The following WWOX variants were observed in gnomAD, a reference collection of about 807,000 sequenced individuals.
The protein encoded by WWOX is WW domain-containing oxidoreductase.
In WWOX, 69 loss-of-function variants were observed where a neutral mutation model predicts 46.2. The ratio of observed to expected loss-of-function variants is 1.49; its 90% CI spans 1.23 to 1.82. The LOEUF (loss-of-function observed/expected upper bound fraction) is 1.82, where lower values mean the gene tolerates loss of function less well. WWOX is among the 40% of genes most tolerant of loss of function. The pLI, the probability that WWOX is intolerant of heterozygous loss-of-function variation, is 0.00. For missense variants in WWOX, 919 were observed against 542.6 expected (o/e 1.69, Z -6.89); for synonymous variants, 359 against 202.6 (o/e 1.77, Z -6.56).
intron 5 of WWOX, among the ~76,000 whole-genome samples, chr16:78,233,790 G>A (rs2037349059): frequency 6.6e-6 from 1 of 152,134 alleles, no homozygotes. Flanking sequence ...GCCTCCCAAA[G>A]TGCTAGGATT....
At chr16:79,004,791 T>C (rs2047160125) in intron 8 of WWOX, 1 of 152,202 alleles carries the variant, frequency 6.6e-6, no homozygotes, top group African/African-American at 2.4e-5. Flanking sequence ...AGACTCCATA[T>C]ACCTCAAGTA....
chr16:78,327,681 T>G (rs1230724184), intron 5 of WWOX, among the ~76,000 whole-genome samples: 11 of 152,122 alleles, frequency 7.2e-5, no homozygotes, highest in Non-Finnish European at 7.4e-5. Flanking sequence ...TCTTTGGTTT[T>G]CTCAGTAGAT....
At chr16:78,887,466 AAAACACAC>A (rs1443075516) in intron 8 of WWOX, among the ~76,000 whole-genome samples, 1 of 101,072 alleles carries the variant, frequency 9.9e-6, no homozygotes, top group Non-Finnish European at 2.0e-5. Flanking sequence ...CAAAGTATAT[AAAACACAC>A]ACACACACAC....
intron 8 of WWOX, among the ~76,000 whole-genome samples, chr16:78,935,490 C>G (rs1220008121): frequency 6.6e-6 from 1 of 151,532 alleles, no homozygotes; most frequent in East Asian, 1.9e-4. Flanking sequence ...TCATTCTCAG[C>G]AAACTATCAC....
At chr16:79,190,465 C>T (rs1257099116) in intron 8 of WWOX, among the ~76,000 whole-genome samples, 9 of 152,182 alleles carry the variant, frequency 5.9e-5, no homozygotes, top group Admixed American at 1.3e-4. Flanking sequence ...TTCAGACCCA[C>T]AGAGGCCTTA....
At chr16:78,325,426 G>A (rs958406346) in intron 5 of WWOX, among the ~76,000 whole-genome samples, 7 of 152,088 alleles carry the variant, frequency 4.6e-5, no homozygotes, top group Non-Finnish European at 2.9e-5. Flanking sequence ...TGGAAAAATT[G>A]CCTTTTTAAC....
rs78503110 is a variant in WWOX at position 78,887,468 on chromosome 16, AACACACACACACACACACAC to A, written c.1057-324108_1057-324089del. On this transcript the variant is annotated intron_variant, in intron 8 of 8. Coordinates refer to ENST00000566780, the MANE Select transcript of WWOX (RefSeq NM_016373.4). ...GCAATGAAGGCAACAAAGTATATAA[AACACACACACACACACACAC>A]ACACACACACACACACACACACACA... Among the ~76,000 whole-genome samples the A allele has an allele frequency of 1.8e-3, 242 of 136,072 alleles. 1 individual carries two copies. The highest frequency in any genetic ancestry group is 3.7e-3 in the East Asian group (16 of 4,362). The allele number at this position is 136,072 out of a possible 152,430, so 89.3% of individuals were successfully genotyped here.
At chr16:78,573,094 G>C (rs2044759318) in intron 8 of WWOX, among the ~76,000 whole-genome samples, 1 of 152,076 alleles carries the variant, frequency 6.6e-6, no homozygotes, top group Admixed American at 6.6e-5. Flanking sequence ...GACCACCCTG[G>C]CTAACATGAT....
At chr16:78,268,064 C>T (rs1156672964) in intron 5 of WWOX, among the ~76,000 whole-genome samples, 2 of 152,206 alleles carry the variant, frequency 1.3e-5, no homozygotes, top group Non-Finnish European at 2.9e-5. Context: ...AGCGATCTGC[C>T]TGCCTTGTCA....
At chr16:78,933,569 C>T (rs1010666148) in intron 8 of WWOX, among the ~76,000 whole-genome samples, 1 of 152,220 alleles carries the variant, frequency 6.6e-6, no homozygotes, top group African/African-American at 2.4e-5. Flanking sequence ...TGAATTAGCC[C>T]ATTTTCATGC....
At chr16:79,151,636 A>C (rs897869912) in intron 8 of WWOX, among the ~76,000 whole-genome samples, 12 of 152,280 alleles carry the variant, frequency 7.9e-5, no homozygotes, top group African/African-American at 2.9e-4. Context: ...CGCAGAATGC[A>C]GAGGCCATGC....
intron 8 of WWOX, among the ~76,000 whole-genome samples, chr16:78,541,606 G>C (rs1018700329): frequency 6.7e-6 from 1 of 148,718 alleles, no homozygotes; most frequent in African/African-American, 2.5e-5. Context: ...TTATAGTTAA[G>C]TTAATGAACT....
intron 4 of WWOX, among the ~76,000 whole-genome samples, chr16:78,143,940 A>T (rs192947432): frequency 1.3e-5 from 2 of 151,508 alleles, no homozygotes; most frequent in African/African-American, 4.8e-5. Context: ...TTTTCACTTT[A>T]AAAAAAAATC....
intron 8 of WWOX, chr16:78,525,259 C>T (rs183618806): frequency 4.0e-5 from 6 of 149,796 alleles, no homozygotes; most frequent in Admixed American, 1.3e-4. Context: ...GATCTCGGCT[C>T]ACTGCAAGCT....
intron 8 of WWOX, among the ~76,000 whole-genome samples, chr16:78,694,386 A>T (rs1251287178): frequency 6.6e-6 from 1 of 152,202 alleles, no homozygotes; most frequent in Non-Finnish European, 1.5e-5. Context: ...TCTTAGCTGG[A>T]CTTTTCCTCC....
chr16:78,210,604 T>G (rs1003561954), intron 5 of WWOX, among the ~76,000 whole-genome samples: 3 of 152,210 alleles, frequency 2.0e-5, no homozygotes, highest in African/African-American at 7.2e-5. Context: ...GACACACTGC[T>G]TAGTCACCCA....
intron 8 of WWOX, among the ~76,000 whole-genome samples, chr16:78,464,313 GAA>G (rs779068160): frequency 5.9e-4 from 90 of 151,592 alleles, no homozygotes; most frequent in Admixed American, 1.7e-3. Context: ...GGAAAGAGAG[GAA>G]AGAGGGGAAG....
intron 8 of WWOX, among the ~76,000 whole-genome samples, chr16:79,098,271 C>T (rs1292229055): frequency 6.6e-6 from 1 of 152,158 alleles, no homozygotes; most frequent in South Asian, 2.1e-4. Flanking sequence ...TTGGGGACTC[C>T]TTTTATTTAG....
chr16:79,211,825 A>C lies in WWOX; in HGVS notation c.*29A>C, dbSNP rs1347343484. 3 of 1,612,876 alleles carry C rather than the reference A, an allele frequency of 1.9e-6. No homozygotes were observed. Among genetic ancestry groups the C allele is most frequent in the Non-Finnish European group, 2.5e-6 (3 of 1,179,772 alleles). On this transcript the variant is annotated 3_prime_UTR_variant, in exon 9 of 9. Transcript: ENST00000566780. ...GAGCTCAGAGCGGATGGGCACACAC[A>C]CCCGCCCTGTGTGTGTCCCCTCACG...
Sources: gnomAD v4.1 joint callset for allele counts (sites outside exome capture counted in the v4.1 genomes callset) on GRCh38, gnomAD v4.1.1 for gene constraint, MANE v1.5 for transcripts, NCBI Gene and HGNC (gene_info 2026-07-23, HGNC 2026-07-21) for gene names.